The following TTC7B variants were observed in gnomAD, a reference collection of about 807,000 sequenced individuals.
TTC7B encodes tetratricopeptide repeat protein 7B.
In TTC7B, 28 loss-of-function variants were observed where a neutral mutation model predicts 106.8. That is an observed-to-expected ratio of 0.26 (90% confidence interval 0.19 to 0.36). The LOEUF (loss-of-function observed/expected upper bound fraction) is 0.36, where lower values mean the gene tolerates loss of function less well. Ranked by LOEUF, TTC7B falls within the 10% of genes least tolerant of loss-of-function variation. The probability of loss-of-function intolerance (pLI) is 1.00; values close to 1 mark genes in which losing one functional copy is unlikely to be tolerated. For missense variants in TTC7B, 862 were observed against 1,076.4 expected (o/e 0.80, Z 2.79); for synonymous variants, 405 against 430.6 (o/e 0.94, Z 0.74).
At chr14:90,603,464 A>G (rs933165961) in intron 17 of TTC7B, among the ~76,000 whole-genome samples, 7 of 152,202 alleles carry the variant, frequency 4.6e-5, no homozygotes, top group African/African-American at 1.4e-4. Context: ...ACATTTTTCC[A>G]CTAACATTTT....
At chr14:90,682,131 T>C (rs1202704108) in intron 7 of TTC7B, among the ~76,000 whole-genome samples, 1 of 152,230 alleles carries the variant, frequency 6.6e-6, no homozygotes, top group African/African-American at 2.4e-5. Context: ...GAATCATTTT[T>C]TTTTTCATGG....
At position 90,527,069 on chromosome 14, in the gene TTC7B, G is replaced by C. The variant is rs891036799; in HGVS notation, c.*14299C>G. 2.0e-5 allele frequency: 3 copies of C among 151,904 alleles called. No homozygotes were observed. The highest frequency in any genetic ancestry group is 7.3e-5 in the African/African-American group (3 of 41,316). 9.4% of individuals were successfully genotyped at this position (151,904 alleles called of 1,614,324 possible). A position where few individuals can be genotyped will look rare whatever the true frequency, so the allele number is the denominator to read the frequency against. On this transcript the variant is annotated 3_prime_UTR_variant, in exon 20 of 20. Coordinates refer to ENST00000328459, the MANE Select transcript of TTC7B (RefSeq NM_001010854.2). ...TCAGGTATTTTGTAGAAAGTTCATC[G>C]GTTTGGGTTTGTCTGATGTTTTCTC...
At chr14:90,542,813 G>A (rs376507867) in intron 19 of TTC7B, among the ~76,000 whole-genome samples, 15 of 152,232 alleles carry the variant, frequency 9.9e-5, no homozygotes, top group Non-Finnish European at 2.1e-4. Context: ...TCAGTGGAAC[G>A]GCCTTGACAA....
At chr14:90,542,849 C>A (rs1018417998) in intron 19 of TTC7B, among the ~76,000 whole-genome samples, 1 of 152,150 alleles carries the variant, frequency 6.6e-6, no homozygotes, top group Non-Finnish European at 1.5e-5. Context: ...CCCCTTAGGG[C>A]AAATCTCCCC....
intron 8 of TTC7B, among the ~76,000 whole-genome samples, chr14:90,679,847 C>CA (rs1886982513): frequency 6.6e-6 from 1 of 152,290 alleles, no homozygotes; most frequent in South Asian, 2.1e-4. Context: ...ATATTCTGGC[C>CA]AAATACTAAG....
At chr14:90,610,954 G>T (rs188882125) in intron 16 of TTC7B, 115 bp from the exon 17 acceptor site, 3 of 771,552 alleles carry the variant, frequency 3.9e-6, no homozygotes, top group Non-Finnish European at 6.9e-6. Context: ...CATTTTTTAC[G>T]TTCTTCAGCA....
intron 3 of TTC7B, among the ~76,000 whole-genome samples, chr14:90,774,124 G>A (rs1890950129): frequency 6.6e-6 from 1 of 152,172 alleles, no homozygotes; most frequent in Non-Finnish European, 1.5e-5. Context: ...CTGGATCAAG[G>A]ATGAGAATGT....
At chr14:90,552,239 C>T (rs1306092288) in intron 19 of TTC7B, among the ~76,000 whole-genome samples, 3 of 152,330 alleles carry the variant, frequency 2.0e-5, no homozygotes, top group Middle Eastern at 3.4e-3. Context: ...ACTCACTCAG[C>T]CCCTCACCGG....
rs372974367 is a variant in TTC7B, at chr14:90,548,373, G to A, written c.2311-6784C>T. Among the ~76,000 whole-genome samples, 52 of 152,358 alleles carry A rather than the reference G, an allele frequency of 3.4e-4. No individual in the cohort carries two copies. In the South Asian group the frequency reaches 0.011, roughly 32 times the overall value. On this transcript the variant is annotated intron_variant, in intron 19 of 19. Coordinates refer to ENST00000328459, the MANE Select transcript of TTC7B (RefSeq NM_001010854.2). ...TTGCAGGGGGTAGAGGTGGGCATGG[G>A]TGGCTTAAGGCAGTGTTGTCAGGTG...
chr14:90,799,700 C>G (rs1419474685), intron 1 of TTC7B, among the ~76,000 whole-genome samples: 3 of 152,024 alleles, frequency 2.0e-5, no homozygotes, highest in African/African-American at 7.2e-5. Flanking sequence ...GAGGGAAGGG[C>G]GTTGGGGTGG....
At position 90,595,288 on chromosome 14, in the gene TTC7B, G is replaced by A. The variant is rs187571462; in HGVS notation, c.1967-1662C>T. Among the ~76,000 whole-genome samples the A allele has an allele frequency of 3.2e-3, 487 of 152,090 alleles. 1 individual carries two copies. The highest frequency in any genetic ancestry group is 0.011 in the African/African-American group (456 of 41,492). ...GCAGAGCTTGCAGTGAGCCGAGGTC[G>A]CTCCATTGCACTCCAGCCTGGGTGA... On this transcript the variant is annotated intron_variant, in intron 17 of 19. Coordinates refer to ENST00000328459, the MANE Select transcript of TTC7B (RefSeq NM_001010854.2).
rs1595275691 is a variant in TTC7B at position 90,680,578 on chromosome 14, A to T, written c.951-43T>A. The T allele has an allele frequency of 8.5e-6, 12 of 1,419,836 alleles. No individual in the cohort carries two copies. In the East Asian group the frequency reaches 2.7e-4, roughly 32 times the overall value. 88.0% of individuals were successfully genotyped at this position (1,419,836 alleles called of 1,614,324 possible). A position where few individuals can be genotyped will look rare whatever the true frequency, so the allele number is the denominator to read the frequency against. ...CTGACTTTGATATATGGCAGTTTCA[A>T]AATATACAAATACAAGCAGAACTGA... On this transcript the variant is annotated intron_variant, in intron 7 of 19. Coordinates refer to ENST00000328459, the MANE Select transcript of TTC7B (RefSeq NM_001010854.2).
At chr14:90,547,515 G>A (rs992309352) in intron 19 of TTC7B, among the ~76,000 whole-genome samples, 10 of 152,238 alleles carry the variant, frequency 6.6e-5, no homozygotes, top group African/African-American at 2.4e-4. Context: ...CACTTTGGAG[G>A]CTGGACACTG....
chr14:90,814,999 C>G (rs1193373842), intron 1 of TTC7B, among the ~76,000 whole-genome samples: 2 of 152,168 alleles, frequency 1.3e-5, no homozygotes, highest in East Asian at 3.8e-4. Flanking sequence ...AGGACACAAA[C>G]ATAAACCACC....
chr14:90,701,779 T>C (rs138248390), intron 5 of TTC7B, among the ~76,000 whole-genome samples: 3 of 112,054 alleles, frequency 2.7e-5, no homozygotes, highest in African/African-American at 8.4e-5. Flanking sequence ...TGTATATATG[T>C]ATATGTGTGT....
At chr14:90,683,227 G>A (rs924704425) in intron 7 of TTC7B, among the ~76,000 whole-genome samples, 1 of 152,114 alleles carries the variant, frequency 6.6e-6, no homozygotes, top group African/African-American at 2.4e-5. Flanking sequence ...CTTGAACACT[G>A]CCAACCCACG....
At position 90,619,728 on chromosome 14, in the gene TTC7B, C is replaced by T. The variant is rs76621383; in HGVS notation, c.1752-1683G>A. The stretch of plus-strand genomic sequence containing the variant: ...GATATGGAAACTGAAGCTCTGGTGC[C>T]CTTTGGTTGTTTTCTGGATGTGATT... On this transcript the variant is annotated intron_variant, in intron 15 of 19. Transcript: ENST00000328459. 3.0e-4 allele frequency among the ~76,000 whole-genome samples: 46 copies of T among 152,220 alleles called. 2 individuals carry two copies. In the East Asian group the frequency reaches 8.7e-3, roughly 29 times the overall value.
chr14:90,595,297 C>A (rs1019227077), intron 17 of TTC7B, among the ~76,000 whole-genome samples: 8 of 152,086 alleles, frequency 5.3e-5, no homozygotes, highest in Non-Finnish European at 8.8e-5. Flanking sequence ...CGCTCCATTG[C>A]ACTCCAGCCT....
chr14:90,740,567 T>C (rs1358867023), intron 4 of TTC7B, among the ~76,000 whole-genome samples: 1 of 138,258 alleles, frequency 7.2e-6, no homozygotes, highest in African/African-American at 2.7e-5. Context: ...AGTGGTGCGA[T>C]CTCGGCTCAC....
Sources: gnomAD v4.1 joint callset for allele counts (sites outside exome capture counted in the v4.1 genomes callset) on GRCh38, gnomAD v4.1.1 for gene constraint, MANE v1.5 for transcripts, NCBI Gene and HGNC (gene_info 2026-07-23, HGNC 2026-07-21) for gene names.